Variants in CFAP54 observed in about 807,000 individuals in gnomAD.
The protein encoded by CFAP54 is cilia- and flagella-associated protein 54.
CFAP54 carries 290 observed loss-of-function variants against 370.4 expected under a neutral mutation model. That is an observed-to-expected ratio of 0.78 (90% confidence interval 0.71 to 0.86). CFAP54 has a LOEUF of 0.86. CFAP54 is among the 40% of genes least tolerant of loss of function. CFAP54 has a pLI of 0.00. For synonymous variants in CFAP54, 1,206 were observed against 1,236.5 expected (o/e 0.98, Z 0.52); for missense variants, 3,399 against 3,528.7 (o/e 0.96, Z 0.93).
At chr12:96,634,624 C>T (rs1195103929) in intron 32 of CFAP54, among the ~76,000 whole-genome samples, 5 of 152,084 alleles carry the variant, frequency 3.3e-5, no homozygotes, top group Non-Finnish European at 7.4e-5. Flanking sequence ...TCAATTTTTC[C>T]TTTAATGGGT....
In CFAP54 at chr12:96,704,752, T is replaced by A; in HGVS notation, c.6484T>A (p.Ser2162Thr). The A allele has an allele frequency of 8.2e-7, 1 of 1,224,826 alleles. No individual in the cohort carries two copies. Among genetic ancestry groups the A allele is most frequent in the Non-Finnish European group, 1.1e-6 (1 of 885,100 alleles). 75.9% of individuals were successfully genotyped at this position (1,224,826 alleles called of 1,614,324 possible). The change falls in exon 47 of 68, where the codon TCA becomes ACA. Residue 2162 changes from serine (S) to threonine (T), a missense_variant. Transcript: ENST00000524981. ...TTTTGTATTTTGACAGATCTTTCAA[T>A]CATTTGACTCAGGAAAACTTCTTAC... ...KATGKMKIFQ[S>T]FDSGKLLTSK...
chr12:96,806,213 T>TAAAA (rs3064716), intron 63 of CFAP54, among the ~76,000 whole-genome samples: 1 of 49,698 alleles, frequency 2.0e-5, no homozygotes, highest in African/African-American at 8.2e-5. Context: ...TATATATATA[T>TAAAA]AATAACAACA....
rs1440667518 is a variant in CFAP54 at position 96,645,046 on chromosome 12, A to G, written c.4547+638A>G. The G allele has an allele frequency of 7.5e-6, 3 of 402,062 alleles. No individual in the cohort carries two copies. In the East Asian group the frequency reaches 2.2e-4, roughly 29 times the overall value. The allele number at this position is 402,062 out of a possible 1,614,324, so 24.9% of individuals were successfully genotyped here. A position where few individuals can be genotyped will look rare whatever the true frequency, so the allele number is the denominator to read the frequency against. ...TTCCAAGAGAAGTTTAATATGAATTATAGAATAAATGTAGATATTAGTAGG... is the reference window on the plus strand; with the variant it reads ...TTCCAAGAGAAGTTTAATATGAATTGTAGAATAAATGTAGATATTAGTAGG... On this transcript the variant is annotated intron_variant, in intron 33 of 67. Transcript: ENST00000524981.
chr12:96,564,639 T>C lies in CFAP54; in HGVS notation c.2498-5T>C, dbSNP rs1300126029. ...ACCTTTTTGGTAAAATGTTTGTTTT[T>C]ATAGAATTAAATATAATGAATAAAA... is the stretch of plus-strand genomic sequence containing the variant. On this transcript the variant is annotated splice_polypyrimidine_tract_variant and splice_region_variant and intron_variant, in intron 18 of 67. Transcript: ENST00000524981. 3.1e-6 allele frequency: 2 copies of C among 646,944 alleles called. No homozygotes were observed. The highest frequency in any genetic ancestry group is 2.6e-5 in the Admixed American group (1 of 38,708). The allele number at this position is 646,944 out of a possible 1,614,324, so 40.1% of individuals were successfully genotyped here. A position where few individuals can be genotyped will look rare whatever the true frequency, so the allele number is the denominator to read the frequency against.
chr12:96,791,851 C>CTTTTT (rs112115771), intron 62 of CFAP54, among the ~76,000 whole-genome samples: 1 of 134,474 alleles, frequency 7.4e-6, no homozygotes, highest in East Asian at 2.2e-4. Context: ...ATTTTTTTTT[C>CTTTTT]TTTTTTTTTT....
At chr12:96,692,085 A>T (rs1957394549) in intron 44 of CFAP54, among the ~76,000 whole-genome samples, 1 of 138,844 alleles carries the variant, frequency 7.2e-6, no homozygotes, top group Non-Finnish European at 1.6e-5. Context: ...TTTTTCCCCC[A>T]CATATTTTTT....
Position 96,527,247 on chromosome 12 carries a change from T to C in CFAP54, c.1160T>C (p.Leu387Ser). The C allele has an allele frequency of 6.7e-7, 1 of 1,503,216 alleles. No homozygotes were observed. The allele number at this position is 1,503,216 out of a possible 1,614,324, so 93.1% of individuals were successfully genotyped here. A position where few individuals can be genotyped will look rare whatever the true frequency, so the allele number is the denominator to read the frequency against. The part of the protein sequence containing the change: ...IRINLREVQT[L>S]SWPRTVTERL... ...AACTTTTTTTTTTCTCAATTTCAGT[T>C]ATCATGGCCACGAACTGTCACAGAG... The change falls in exon 9 of 68, where the codon TTA becomes TCA. Residue 387 changes from leucine to serine, a missense_variant and splice_region_variant. Physicochemically the swap from Leu to Ser is moderately radical, Grantham distance 145. Around this residue, in one of 3 missense-constraint regions of CFAP54, gnomAD observed 559 missense variants for 576.7 expected, o/e 0.97. Transcript: ENST00000524981.
intron 2 of CFAP54, among the ~76,000 whole-genome samples, chr12:96,503,104 CTCCT>C (rs1323801878): frequency 3.6e-5 from 5 of 139,540 alleles, no homozygotes; most frequent in African/African-American, 1.1e-4. Context: ...TTCTCTCTCT[CTCCT>C]TCCTTCCTTC....
intron 19 of CFAP54, chr12:96,572,790 A>G (rs1955935655): frequency 1.1e-6 from 1 of 873,176 alleles, no homozygotes; most frequent in Non-Finnish European, 1.4e-6. Flanking sequence ...TGGGGTAGAA[A>G]TGGAGCCTTC....
intron 63 of CFAP54, among the ~76,000 whole-genome samples, chr12:96,808,274 A>T (rs1289752124): frequency 6.6e-6 from 1 of 152,066 alleles, no homozygotes; most frequent in Non-Finnish European, 1.5e-5. Context: ...CTATCATCTT[A>T]AGAGTCCCAT....
rs559670983 is a variant in CFAP54, at chr12:96,691,223, A to G, written c.6177A>G (p.Ser2059=). 6.2e-7 allele frequency: 1 copy of G among 1,613,362 alleles called. No homozygotes were observed. Among genetic ancestry groups the G allele is most frequent in the South Asian group, 1.1e-5 (1 of 91,030 alleles). The change falls in exon 44 of 68, where the codon TCA becomes TCG. Residue 2059 remains serine (S), a synonymous_variant. Coordinates refer to ENST00000524981, the MANE Select transcript of CFAP54 (RefSeq NM_001306084.2). The part of the protein sequence containing the change: ...TQLLPGIELF[S]DRYRADICSV... Reference sequence around the variant, plus strand: ...TTCTCCCAGGCATTGAACTCTTCTCAGATAGATACAGGGCTGACATTTGCT... The same window carrying G: ...TTCTCCCAGGCATTGAACTCTTCTCGGATAGATACAGGGCTGACATTTGCT...
Position 96,503,917 on chromosome 12 carries a change from G to A in CFAP54, c.455G>A (p.Gly152Glu). The A allele has an allele frequency of 6.6e-7, 1 of 1,516,242 alleles. No individual in the cohort carries two copies. The highest frequency in any genetic ancestry group is 8.8e-7 in the Non-Finnish European group (1 of 1,139,144). The allele number at this position is 1,516,242 out of a possible 1,614,324, so 93.9% of individuals were successfully genotyped here. ...AAACTGGCCCTTTTACAATGCTATGGAAGATATCTTCAGCAGTTCAATACC... is the reference window on the plus strand; with the variant it reads ...AAACTGGCCCTTTTACAATGCTATGAAAGATATCTTCAGCAGTTCAATACC... ...EYKLALLQCYGRYLQQFNTNF... is the reference protein window; with the variant it reads ...EYKLALLQCYERYLQQFNTNF... Residue 152 changes from glycine (G) to glutamate (E), a missense_variant, in exon 3 of 68, where the codon GGA becomes GAA. By Grantham distance (98) the Gly-to-Glu change is moderately conservative. Around this residue, in one of 3 missense-constraint regions of CFAP54, gnomAD observed 559 missense variants for 576.7 expected, o/e 0.97. Coordinates refer to ENST00000524981, the MANE Select transcript of CFAP54 (RefSeq NM_001306084.2).
At chr12:96,659,208 G>A (rs1192026446) in intron 38 of CFAP54, among the ~76,000 whole-genome samples, 1 of 152,120 alleles carries the variant, frequency 6.6e-6, no homozygotes, top group African/African-American at 2.4e-5. Flanking sequence ...AATTTCCAAT[G>A]TTGATCTCAA....
intron 64 of CFAP54, 100 bp downstream of exon 64, chr12:96,811,942 A>C (rs1414296127): frequency 4.8e-6 from 3 of 628,778 alleles, no homozygotes; most frequent in Non-Finnish European, 2.6e-6. Flanking sequence ...AGACCTGCTA[A>C]AAGGCACTTC....
chr12:96,721,207 A>G (rs1446926095), intron 50 of CFAP54, among the ~76,000 whole-genome samples: 2 of 152,276 alleles, frequency 1.3e-5, no homozygotes, highest in African/African-American at 4.8e-5. Flanking sequence ...CTTTTTTTCT[A>G]AAACATTGAC....
At chr12:96,580,062 A>G (rs1237386795) in intron 20 of CFAP54, among the ~76,000 whole-genome samples, 2 of 151,428 alleles carry the variant, frequency 1.3e-5, no homozygotes, top group Non-Finnish European at 1.5e-5. Flanking sequence ...ATGTATTTTT[A>G]TATTTTATTT....
intron 65 of CFAP54, among the ~76,000 whole-genome samples, chr12:96,823,360 G>A (rs1031741479): frequency 6.6e-6 from 1 of 151,990 alleles, no homozygotes; most frequent in African/African-American, 2.4e-5. Context: ...TCATTATATC[G>A]CCAATATCTA....
At position 96,743,916 on chromosome 12, in the gene CFAP54, A is replaced by G. The variant is rs1216024067; in HGVS notation, c.7557+6A>G. ...ATAGCATTCTAACTGAACAGGTGAG[A>G]ATGCTTTTGTGTCTGCGAGACATAG... On this transcript the variant is annotated splice_donor_region_variant and intron_variant, in intron 54 of 67. Transcript: ENST00000524981. 1 of 1,608,568 alleles carries G rather than the reference A, an allele frequency of 6.2e-7. No individual in the cohort carries two copies. The highest frequency in any genetic ancestry group is 1.3e-5 in the African/African-American group (1 of 74,470).
In CFAP54 at chr12:96,579,097, T is replaced by A. The variant is rs1956007817; in HGVS notation, c.2797-1500T>A. ...TGATATAAATCATAGAACATAGTCTTTCTGCCTTTTTTCTTCTTTGAAAAA... is the reference window on the plus strand; with the variant it reads ...TGATATAAATCATAGAACATAGTCTATCTGCCTTTTTTCTTCTTTGAAAAA... On this transcript the variant is annotated intron_variant, in intron 20 of 67. Coordinates refer to ENST00000524981, the MANE Select transcript of CFAP54 (RefSeq NM_001306084.2). Among the ~76,000 whole-genome samples, 5 of 152,304 alleles carry A rather than the reference T, an allele frequency of 3.3e-5. No homozygotes were observed. The South Asian group carries it at 1.0e-3, about 32-fold the overall frequency.
Sources: allele counts gnomAD v4.1 joint callset (sites outside exome capture counted in the v4.1 genomes callset), GRCh38; gene constraint gnomAD v4.1.1; regional missense constraint gnomAD v4.1.1; transcripts MANE v1.5; gene names NCBI Gene and HGNC (gene_info 2026-07-23, HGNC 2026-07-21).